The following NRXN3 variants were observed in gnomAD, a reference collection of about 807,000 sequenced individuals.
The protein encoded by NRXN3 is neurexin III.
NRXN3 carries 32 observed loss-of-function variants against 137.6 expected under a neutral mutation model. The ratio of observed to expected loss-of-function variants is 0.23; its 90% CI spans 0.18 to 0.31. The LOEUF is 0.31. NRXN3 is among the 10% of genes least tolerant of loss of function. The pLI, the probability that NRXN3 is intolerant of heterozygous loss-of-function variation, is 1.00. For missense variants in NRXN3, 1,574 were observed against 2,062.5 expected (o/e 0.76, Z 4.59); for synonymous variants, 798 against 784.5 (o/e 1.02, Z -0.29).
chr14:79,234,357 T>A (rs1231896796), intron 15 of NRXN3, among the ~76,000 whole-genome samples: 1 of 130,046 alleles, frequency 7.7e-6, no homozygotes, highest in Non-Finnish European at 1.6e-5. Context: ...ATATATATAT[T>A]ATATATGTAT....
intron 6 of NRXN3, among the ~76,000 whole-genome samples, chr14:78,707,537 A>T (rs750157350): frequency 6.6e-6 from 1 of 152,190 alleles, no homozygotes; most frequent in Non-Finnish European, 1.5e-5. Flanking sequence ...GATGGATTAT[A>T]CCTGGTTTAG....
intron 15 of NRXN3, among the ~76,000 whole-genome samples, chr14:79,368,567 A>G (rs2093981079): frequency 6.6e-6 from 1 of 152,208 alleles, no homozygotes; most frequent in Non-Finnish European, 1.5e-5. Context: ...AATACTCTGC[A>G]TAGCATCTTT....
intron 4 of NRXN3, among the ~76,000 whole-genome samples, chr14:78,305,394 A>C (rs546487922): frequency 6.6e-6 from 1 of 152,246 alleles, no homozygotes; most frequent in African/African-American, 2.4e-5. Context: ...CCTAAGATCT[A>C]TTCTAGTCCT....
chr14:79,425,614 A>G (rs939765524), intron 15 of NRXN3, among the ~76,000 whole-genome samples: 46 of 152,296 alleles, frequency 3.0e-4, no homozygotes, highest in African/African-American at 1.0e-3. Context: ...ACAAATGAGG[A>G]AACTAGAGAT....
At chr14:78,926,476 C>A (rs952476419) in intron 10 of NRXN3, among the ~76,000 whole-genome samples, 1 of 148,438 alleles carries the variant, frequency 6.7e-6, no homozygotes, top group African/African-American at 2.5e-5. Context: ...TGCAGTGGCT[C>A]ACACCTGTAA....
chr14:79,684,914 C>A (rs540896152), intron 17 of NRXN3, among the ~76,000 whole-genome samples: 1 of 151,962 alleles, frequency 6.6e-6, no homozygotes, highest in Non-Finnish European at 1.5e-5. Context: ...CGTGGGAAGG[C>A]CTGGATCACA....
In NRXN3 at chr14:79,642,764, G is replaced by T. The variant is rs930560606; in HGVS notation, c.3445-21014G>T. ...TATTCCCTGTTCACGCCATTCTCCT[G>T]ATTTCCTGTATAGTAACTATATTCT... On this transcript the variant is annotated intron_variant, in intron 16 of 20. Transcript: ENST00000335750. Among the ~76,000 whole-genome samples the T allele has an allele frequency of 3.7e-5, 5 of 135,294 alleles. 1 individual carries two copies. Among genetic ancestry groups the T allele is most frequent in the South Asian group, 4.6e-4 (2 of 4,304 alleles). The allele number at this position is 135,294 out of a possible 152,430, so 88.8% of individuals were successfully genotyped here.
At chr14:79,471,856 A>T (rs1443518667) in intron 16 of NRXN3, among the ~76,000 whole-genome samples, 2 of 152,122 alleles carry the variant, frequency 1.3e-5, no homozygotes, top group African/African-American at 4.8e-5. Flanking sequence ...TTTTAAGTTC[A>T]GGGGTACAAG....
intron 15 of NRXN3, chr14:79,201,659 T>G (rs2066028640): frequency 6.6e-6 from 1 of 152,164 alleles, no homozygotes; most frequent in South Asian, 2.1e-4. Context: ...AACCAGTATT[T>G]GTTGCAGGCC....
intron 15 of NRXN3, among the ~76,000 whole-genome samples, chr14:79,205,930 G>A (rs2066721818): frequency 6.6e-6 from 1 of 152,028 alleles, no homozygotes; most frequent in Admixed American, 6.6e-5. Flanking sequence ...ACAAATTTTG[G>A]TACCTCATCA....
chr14:78,564,577 G>A (rs192917329), intron 4 of NRXN3, among the ~76,000 whole-genome samples: 3 of 152,302 alleles, frequency 2.0e-5, no homozygotes, highest in Admixed American at 2.0e-4. Context: ...CTCTCTAGGA[G>A]GTATATGGGT....
intron 15 of NRXN3, among the ~76,000 whole-genome samples, chr14:79,165,017 A>G (rs968942009): frequency 6.6e-5 from 10 of 152,026 alleles, no homozygotes; most frequent in African/African-American, 2.4e-4. Context: ...TAGTATTAAT[A>G]AAAAATTCTC....
chr14:78,623,545 G>A (rs2097426001), intron 4 of NRXN3, among the ~76,000 whole-genome samples: 1 of 152,126 alleles, frequency 6.6e-6, no homozygotes, highest in Admixed American at 6.5e-5. Context: ...CCATTCTATA[G>A]CAGATGCCAT....
At chr14:79,850,110 G>T (rs758177719) in intron 20 of NRXN3, among the ~76,000 whole-genome samples, 2 of 152,184 alleles carry the variant, frequency 1.3e-5, no homozygotes, top group Non-Finnish European at 2.9e-5. Flanking sequence ...AGGAGAAACA[G>T]ATGTGGAGGC....
chr14:79,490,674 G>T (rs951318859), intron 16 of NRXN3, among the ~76,000 whole-genome samples: 1 of 146,862 alleles, frequency 6.8e-6, no homozygotes, highest in Non-Finnish European at 1.5e-5. Context: ...GCTGGGAAGG[G>T]AAGTGGGGGT....
chr14:79,337,001 T>TA (rs1566838630), intron 15 of NRXN3, among the ~76,000 whole-genome samples: 1 of 152,184 alleles, frequency 6.6e-6, no homozygotes, highest in African/African-American at 2.4e-5. Context: ...CTTGGGAAAA[T>TA]ATGCTGCCGT....
At chr14:78,434,676 G>C (rs1487930876) in intron 4 of NRXN3, among the ~76,000 whole-genome samples, 2 of 152,196 alleles carry the variant, frequency 1.3e-5, no homozygotes, top group African/African-American at 4.8e-5. Flanking sequence ...CCCTGCCTCT[G>C]AGTCAGGATA....
chr14:78,518,320 C>T (rs148224952), intron 4 of NRXN3, among the ~76,000 whole-genome samples: 18 of 152,004 alleles, frequency 1.2e-4, no homozygotes, highest in Non-Finnish European at 2.5e-4. Flanking sequence ...TGGAGTCTCA[C>T]CCACCTGGAA....
At chr14:79,545,907 C>T (rs2097314906) in intron 16 of NRXN3, among the ~76,000 whole-genome samples, 1 of 151,982 alleles carries the variant, frequency 6.6e-6, no homozygotes, top group South Asian at 2.1e-4. Context: ...CTTGAATTCC[C>T]ATGTGTTGTG....
Sources: gnomAD v4.1 joint callset for allele counts (sites outside exome capture counted in the v4.1 genomes callset) on GRCh38, gnomAD v4.1.1 for gene constraint, MANE v1.5 for transcripts, NCBI Gene and HGNC (gene_info 2026-07-23, HGNC 2026-07-21) for gene names.